Variants in ANKRD6 observed in about 807,000 individuals in gnomAD.
ANKRD6 encodes the protein ankyrin repeat domain 6.
ANKRD6 carries 56 observed loss-of-function variants against 82.3 expected under a neutral mutation model. That is an observed-to-expected ratio of 0.68 (90% confidence interval 0.55 to 0.85). The LOEUF is 0.85. Among genes scored for constraint, ANKRD6 ranks in the 40% least tolerant of loss-of-function variants. The probability of loss-of-function intolerance (pLI) is 0.00; values close to 1 mark genes in which losing one functional copy is unlikely to be tolerated. For synonymous variants in ANKRD6, 347 were observed against 352.1 expected (o/e 0.99, Z 0.16); for missense variants, 852 against 907.6 (o/e 0.94, Z 0.79).
rs528686570 is a variant in ANKRD6, at chr6:89,534,712, C to T, written c.-143-32122C>T. ...TGAGCATTAACAGGGTTCCTGCCCT[C>T]TTGGAGCTCTCATGGGGATGAGGGT... On this transcript the variant is annotated intron_variant, in intron 1 of 15. Coordinates refer to ENST00000339746, the MANE Select transcript of ANKRD6 (RefSeq NM_001242809.2). 1.9e-3 allele frequency among the ~76,000 whole-genome samples: 294 copies of T among 152,270 alleles called. 1 individual carries two copies. The highest frequency in any genetic ancestry group is 6.7e-3 in the African/African-American group (278 of 41,546).
chr6:89,517,235 T>C (rs1363480261), intron 1 of ANKRD6, among the ~76,000 whole-genome samples: 1 of 152,222 alleles, frequency 6.6e-6, no homozygotes, highest in East Asian at 1.9e-4. Flanking sequence ...ACCTATACAG[T>C]TGGTCTGACA....
chr6:89,617,786 AG>A (rs1801964010), intron 8 of ANKRD6, among the ~76,000 whole-genome samples, 167 bp from the exon 9 acceptor site: 1 of 152,194 alleles, frequency 6.6e-6, no homozygotes, highest in Non-Finnish European at 1.5e-5. Flanking sequence ...GGAGGGTCTG[AG>A]GCTGATGACC....
At position 89,631,061 on chromosome 6, in the gene ANKRD6, A is replaced by G. The variant is rs569423895; in HGVS notation, c.*57A>G. 611 of 1,452,492 alleles carry G rather than the reference A, an allele frequency of 4.2e-4. No individual in the cohort carries two copies. The highest frequency in any genetic ancestry group is 4.9e-4 in the Non-Finnish European group (545 of 1,108,498). The allele number at this position is 1,452,492 out of a possible 1,614,324, so 90.0% of individuals were successfully genotyped here. Reference sequence around the variant, plus strand: ...TGAAGATTTCCAGTTTTGCAACTGCATAATAGCTATGCCCAAGGAGTCAAC... The same window carrying G: ...TGAAGATTTCCAGTTTTGCAACTGCGTAATAGCTATGCCCAAGGAGTCAAC... On this transcript the variant is annotated 3_prime_UTR_variant, in exon 16 of 16. Coordinates refer to ENST00000339746, the MANE Select transcript of ANKRD6 (RefSeq NM_001242809.2).
chr6:89,538,900 G>A (rs1784161807), intron 1 of ANKRD6, among the ~76,000 whole-genome samples: 1 of 151,668 alleles, frequency 6.6e-6, no homozygotes, highest in Admixed American at 6.6e-5. Context: ...AGATCAAAAG[G>A]CCAAAAAAAA....
chr6:89,527,864 T>A (rs887271012), intron 1 of ANKRD6, among the ~76,000 whole-genome samples: 1 of 152,106 alleles, frequency 6.6e-6, no homozygotes, highest in Admixed American at 6.5e-5. Flanking sequence ...GGCGGGAGTA[T>A]AATAGCGCAA....
chr6:89,484,341 C>G (rs2127816792), intron 1 of ANKRD6, among the ~76,000 whole-genome samples: 1 of 152,154 alleles, frequency 6.6e-6, no homozygotes, highest in East Asian at 1.9e-4. Flanking sequence ...ATGCTGTGGG[C>G]TTATTTTTTT....
intron 1 of ANKRD6, among the ~76,000 whole-genome samples, chr6:89,556,380 T>C (rs1287148976): frequency 6.6e-6 from 1 of 152,256 alleles, no homozygotes; most frequent in African/African-American, 2.4e-5. Context: ...AAGAACTAGC[T>C]GACCAGCTTG....
chr6:89,619,526 G>A (rs909560426), intron 9 of ANKRD6: 3 of 152,178 alleles, frequency 2.0e-5, no homozygotes, highest in Admixed American at 6.5e-5. Flanking sequence ...GAGCCTTACT[G>A]TGGACCATTT....
chr6:89,449,956 T>C (rs1772606393), intron 1 of ANKRD6, among the ~76,000 whole-genome samples: 1 of 152,234 alleles, frequency 6.6e-6, no homozygotes, highest in Non-Finnish European at 1.5e-5. Context: ...ACCACTGGGC[T>C]GGAGAGGATT....
intron 1 of ANKRD6, among the ~76,000 whole-genome samples, chr6:89,489,392 G>A (rs934084252): frequency 3.9e-5 from 6 of 152,174 alleles, no homozygotes; most frequent in Non-Finnish European, 7.3e-5. Context: ...GCTGCCCACA[G>A]ATTGATATAT....
chr6:89,610,534 A>G (rs1003122478), intron 5 of ANKRD6, among the ~76,000 whole-genome samples: 1 of 152,168 alleles, frequency 6.6e-6, no homozygotes, highest in African/African-American at 2.4e-5. Flanking sequence ...GCTTTTCCAC[A>G]TCATCGATAT....
At chr6:89,604,622 C>A (rs553106217) in intron 4 of ANKRD6, among the ~76,000 whole-genome samples, 1 of 152,310 alleles carries the variant, frequency 6.6e-6, no homozygotes, top group Admixed American at 6.5e-5. Context: ...TGTGTGAGCA[C>A]CCAGCTCAAG....
At chr6:89,438,591 A>G (rs1355496790) in intron 1 of ANKRD6, among the ~76,000 whole-genome samples, 2 of 152,180 alleles carry the variant, frequency 1.3e-5, no homozygotes, top group Non-Finnish European at 2.9e-5. Context: ...TTGTACAATA[A>G]GGTGCTAGTG....
chr6:89,587,276 G>A (rs536230195), intron 2 of ANKRD6, among the ~76,000 whole-genome samples: 9 of 151,672 alleles, frequency 5.9e-5, no homozygotes, highest in Non-Finnish European at 1.2e-4. Context: ...AGATCATGAG[G>A]TCAAGAGATC....
intron 5 of ANKRD6, among the ~76,000 whole-genome samples, chr6:89,606,445 T>C (rs1798646141): frequency 6.6e-6 from 1 of 152,130 alleles, no homozygotes; most frequent in African/African-American, 2.4e-5. Context: ...AAAAGAACTT[T>C]AAAATGCTAA....
At chr6:89,575,452 G>A (rs1328068532) in intron 2 of ANKRD6, among the ~76,000 whole-genome samples, 1 of 152,120 alleles carries the variant, frequency 6.6e-6, no homozygotes, top group Non-Finnish European at 1.5e-5. Context: ...TAACCATCAT[G>A]TTTCCACTAT....
rs62415449 is a variant in ANKRD6, at chr6:89,552,970, G to A, written c.-143-13864G>A. ...GTGGATAGTGGTGTGGACAGTCCAT[G>A]TAGTACCGGTGTTTCCAGACCATGA... On this transcript the variant is annotated intron_variant, in intron 1 of 15. Transcript: ENST00000339746. 1.7e-3 allele frequency among the ~76,000 whole-genome samples: 253 copies of A among 152,298 alleles called. 1 individual carries two copies. The highest frequency in any genetic ancestry group is 2.9e-3 in the Non-Finnish European group (195 of 68,026).
chr6:89,616,844 G>T, intron 8 of ANKRD6, 187 bp downstream of exon 8: 1 of 699,286 alleles, frequency 1.4e-6, no homozygotes. Flanking sequence ...GCAGCCCCAG[G>T]AGTTGACAAG....
At chr6:89,456,948 C>G (rs1773577361) in intron 1 of ANKRD6, among the ~76,000 whole-genome samples, 1 of 152,108 alleles carries the variant, frequency 6.6e-6, no homozygotes, top group African/African-American at 2.4e-5. Flanking sequence ...AGAAAGTGAC[C>G]TGGCTGAGAG....
Sources: gnomAD v4.1 joint callset for allele counts (sites outside exome capture counted in the v4.1 genomes callset) on GRCh38, gnomAD v4.1.1 for gene constraint, MANE v1.5 for transcripts, NCBI Gene and HGNC (gene_info 2026-07-23, HGNC 2026-07-21) for gene names.